GMEB2: variants seen among roughly 807,000 people sequenced by gnomAD.
GMEB2 encodes glucocorticoid modulatory element binding protein 2, also known as glucocorticoid modulatory element-binding protein 2.
In GMEB2, 7 loss-of-function variants were observed where a neutral mutation model predicts 45.7. The observed-to-expected ratio is 0.15, with a 90% confidence interval of 0.09 to 0.29. GMEB2 has a LOEUF of 0.29. GMEB2 is among the 10% of genes least tolerant of loss of function. The probability of loss-of-function intolerance (pLI) is 1.00; values close to 1 mark genes in which losing one functional copy is unlikely to be tolerated. For missense variants in GMEB2, 582 were observed against 739.2 expected, an observed-to-expected ratio of 0.79 and a Z score of 2.47; for synonymous variants, 322 against 323.6, an observed-to-expected ratio of 1.00 and a Z score of 0.05.
At chr20:63,607,849 C>T (rs377490198) in intron 2 of GMEB2, among the ~76,000 whole-genome samples, 47 of 9,782 alleles carry the variant, frequency 4.8e-3, no homozygotes, top group Non-Finnish European at 0.013. Flanking sequence ...CCCTCTGACC[C>T]CACCTCCATT....
At position 63,588,599 on chromosome 20, in the gene GMEB2, G is replaced by A. The variant is rs1011087779; in HGVS notation, c.*1490C>T. On this transcript the variant is annotated 3_prime_UTR_variant, in exon 10 of 10. Transcript: ENST00000370077. ...CATGGGTGAGGGCAGCCAGGACAGG[G>A]CCCTGGTGACAATGGCGCAGAGGTG... is the stretch of plus-strand genomic sequence containing the variant. 2.0e-5 allele frequency: 8 copies of A among 397,736 alleles called. No individual in the cohort carries two copies. The highest frequency in any genetic ancestry group is 6.2e-4 in the Middle Eastern group (1 of 1,610). The allele number at this position is 397,736 out of a possible 1,614,324, so 24.6% of individuals were successfully genotyped here. A position where few individuals can be genotyped will look rare whatever the true frequency, so the allele number is the denominator to read the frequency against.
At chr20:63,595,552 C>T (rs2083189242) in intron 6 of GMEB2, 58 bp downstream of exon 6, 2 of 1,494,814 alleles carry the variant, frequency 1.3e-6, no homozygotes, top group African/African-American at 1.4e-5. Flanking sequence ...GGCATGTCAC[C>T]CTCTGTGGCC....
chr20:63,605,971 C>T (rs1051772079), intron 2 of GMEB2, among the ~76,000 whole-genome samples: 3 of 152,014 alleles, frequency 2.0e-5, no homozygotes, highest in Non-Finnish European at 4.4e-5. Flanking sequence ...AAAAAAAAAC[C>T]CAGCAGGTGA....
intron 1 of GMEB2, among the ~76,000 whole-genome samples, chr20:63,622,817 A>G (rs1171651027): frequency 6.6e-6 from 1 of 152,214 alleles, no homozygotes; most frequent in Non-Finnish European, 1.5e-5. Flanking sequence ...CATGAAGGAA[A>G]GACCCATTCT....
intron 4 of GMEB2, among the ~76,000 whole-genome samples, chr20:63,598,559 G>C (rs1211039445): frequency 1.3e-5 from 2 of 152,170 alleles, no homozygotes; most frequent in Non-Finnish European, 2.9e-5. Flanking sequence ...GAGTCACGAG[G>C]TCTCTGCAGC....
At chr20:63,612,000 G>A (rs2089574873) in intron 2 of GMEB2, among the ~76,000 whole-genome samples, 1 of 152,132 alleles carries the variant, frequency 6.6e-6, no homozygotes, top group Non-Finnish European at 1.5e-5. Context: ...CGGCTGCCAT[G>A]AGCCGTGACT....
intron 1 of GMEB2, among the ~76,000 whole-genome samples, chr20:63,626,331 G>C (rs1278632822): frequency 2.0e-5 from 3 of 149,638 alleles, no homozygotes; most frequent in Non-Finnish European, 3.0e-5. Context: ...CCTGCGGGTC[G>C]GGTGCCTGCG....
intron 2 of GMEB2, among the ~76,000 whole-genome samples, chr20:63,606,348 ATTTTT>A (rs34155777): frequency 7.2e-6 from 1 of 139,642 alleles, no homozygotes; most frequent in Admixed American, 7.2e-5. Context: ...ACCACAAACA[ATTTTT>A]TTTTTTTTTT....
intron 2 of GMEB2, among the ~76,000 whole-genome samples, chr20:63,613,521 C>CTTTT (rs11481490): frequency 7.2e-6 from 1 of 139,540 alleles, no homozygotes; most frequent in Non-Finnish European, 1.5e-5. Context: ...TTTTTGTTTT[C>CTTTT]TTTTTTTTTT....
intron 2 of GMEB2, 133 bp from the exon 3 acceptor site, chr20:63,604,973 G>C (rs1037996003): frequency 1.1e-4 from 71 of 633,386 alleles, no homozygotes; most frequent in Non-Finnish European, 1.8e-4. Flanking sequence ...CAGAGGGGCC[G>C]GGTGCGGTGG....
chr20:63,607,409 A>C (rs7265611), intron 2 of GMEB2, among the ~76,000 whole-genome samples: 4 of 18,626 alleles, frequency 2.1e-4, no homozygotes, highest in East Asian at 6.6e-4. Flanking sequence ...GTGACCCCAC[A>C]TCCATTTCTA....
At position 63,602,908 on chromosome 20, in the gene GMEB2, G is replaced by A. The variant is rs1004715464; in HGVS notation, c.357+57C>T. 2.0e-6 allele frequency: 3 copies of A among 1,532,828 alleles called. No homozygotes were observed. In the Admixed American group the frequency reaches 5.2e-5, roughly 27 times the overall value. 95.0% of individuals were successfully genotyped at this position (1,532,828 alleles called of 1,614,324 possible). ...CACTCAGCACAGCTGCACCCCCAAA[G>A]CAGTCACAGACACCATGAGGCCTCT... On this transcript the variant is annotated intron_variant, in intron 4 of 9. Coordinates refer to ENST00000370077, the MANE Select transcript of GMEB2 (RefSeq NM_012384.5).
At chr20:63,600,894 C>G (rs2083237026) in intron 4 of GMEB2, among the ~76,000 whole-genome samples, 1 of 152,028 alleles carries the variant, frequency 6.6e-6, no homozygotes, top group Non-Finnish European at 1.5e-5. Flanking sequence ...ACACCACAGA[C>G]CTGCTCACTG....
chr20:63,599,679 T>G (rs1401432439), intron 4 of GMEB2, among the ~76,000 whole-genome samples: 1 of 152,218 alleles, frequency 6.6e-6, no homozygotes, highest in East Asian at 1.9e-4. Context: ...GGAATTTCAT[T>G]ATGATGTCAC....
Position 63,592,462 on chromosome 20 carries a change from G to T in GMEB2, c.829+71C>A, listed in dbSNP as rs2083155427. On this transcript the variant is annotated intron_variant, in intron 8 of 9. Coordinates refer to ENST00000370077, the MANE Select transcript of GMEB2 (RefSeq NM_012384.5). This position sits in a 1 kb window ranked among gnomAD's most constrained non-coding sequence, Gnocchi z 8.2. ...CACAGAAGGGCCTAGGGGCAGGAGG[G>T]CCAGTGGCCTCACCTCCTGCAGAGA... 5 of 1,202,458 alleles carry T rather than the reference G, an allele frequency of 4.2e-6. No individual in the cohort carries two copies. The highest frequency in any genetic ancestry group is 3.9e-5 in the South Asian group (3 of 76,458). 74.5% of individuals were successfully genotyped at this position (1,202,458 alleles called of 1,614,324 possible). A position where few individuals can be genotyped will look rare whatever the true frequency, so the allele number is the denominator to read the frequency against.
In GMEB2 at chr20:63,589,998, G is replaced by A. The variant is rs762714185; in HGVS notation, c.*91C>T. On this transcript the variant is annotated 3_prime_UTR_variant, in exon 10 of 10. Coordinates refer to ENST00000370077, the MANE Select transcript of GMEB2 (RefSeq NM_012384.5). ...TGCAGACCACGTGACCCACCTGCCC[G>A]AGCCAGCCCTGCGGCCTCTGCCCGC... 26 of 1,179,240 alleles carry A rather than the reference G, an allele frequency of 2.2e-5. No homozygotes were observed. Among genetic ancestry groups the A allele is most frequent in the African/African-American group, 6.2e-5 (4 of 64,302 alleles). 73.0% of individuals were successfully genotyped at this position (1,179,240 alleles called of 1,614,324 possible). A position where few individuals can be genotyped will look rare whatever the true frequency, so the allele number is the denominator to read the frequency against.
At chr20:63,590,977 G>A (rs1428656721) in intron 9 of GMEB2, among the ~76,000 whole-genome samples, 3 of 152,214 alleles carry the variant, frequency 2.0e-5, no homozygotes, top group South Asian at 4.1e-4. Flanking sequence ...GCACTGACCC[G>A]GGGCCTGTGT....
intron 9 of GMEB2, 30 bp downstream of exon 9, chr20:63,591,992 G>C (rs761091478): frequency 4.4e-6 from 7 of 1,586,658 alleles, no homozygotes; most frequent in Middle Eastern, 1.7e-4. Context: ...CTACCGCCCA[G>C]GGGACGGGAC....
chr20:63,626,769 G>GCGCCGCCCGCCTGA (rs1354215732), intron 1 of GMEB2, among the ~76,000 whole-genome samples, 187 bp downstream of exon 1: 1 of 146,464 alleles, frequency 6.8e-6, no homozygotes, highest in African/African-American at 2.5e-5. Context: ...GCCACCGCCC[G>GCGCCGCCCGCCTGA]CGCCGCCCGC....
Sources: gnomAD v4.1 joint callset for allele counts (sites outside exome capture counted in the v4.1 genomes callset) on GRCh38, gnomAD v4.1.1 for gene constraint, Gnocchi (gnomAD v3.1) non-coding constraint, MANE v1.5 for transcripts, NCBI Gene and HGNC (gene_info 2026-07-23, HGNC 2026-07-21) for gene names.